The following ZDHHC14 variants were observed in gnomAD, a reference collection of about 807,000 sequenced individuals.
ZDHHC14 encodes zDHHC palmitoyltransferase 14, also known as palmitoyltransferase ZDHHC14.
Under a neutral mutation model 47.7 loss-of-function variants are expected in ZDHHC14, and 16 were observed. The ratio of observed to expected loss-of-function variants is 0.34; its 90% CI spans 0.23 to 0.51. The LOEUF (loss-of-function observed/expected upper bound fraction) is 0.51, where lower values mean the gene tolerates loss of function less well. Ranked by LOEUF, ZDHHC14 falls within the 20% of genes least tolerant of loss-of-function variation. ZDHHC14 has a pLI of 0.97. For synonymous variants in ZDHHC14, 293 were observed against 278.9 expected (o/e 1.05, Z -0.50); for missense variants, 515 against 662.5 (o/e 0.78, Z 2.44).
intron 1 of ZDHHC14, among the ~76,000 whole-genome samples, chr6:157,402,545 G>A (rs1777666359): frequency 5.9e-5 from 9 of 152,222 alleles, no homozygotes. Flanking sequence ...TCTTAATGGG[G>A]TGAAGATGAA....
At chr6:157,534,868 G>T (rs931339417) in intron 1 of ZDHHC14, among the ~76,000 whole-genome samples, 1 of 152,112 alleles carries the variant, frequency 6.6e-6, no homozygotes, top group Non-Finnish European at 1.5e-5. Flanking sequence ...TGGGATTATA[G>T]GCACTCCCGG....
chr6:157,589,755 G>T (rs1364051014), intron 2 of ZDHHC14, among the ~76,000 whole-genome samples: 2 of 152,096 alleles, frequency 1.3e-5, no homozygotes, highest in African/African-American at 4.8e-5. Flanking sequence ...ACAGTATATT[G>T]GTATTGGGTA....
intron 1 of ZDHHC14, among the ~76,000 whole-genome samples, chr6:157,408,485 G>T (rs1432151931): frequency 6.6e-6 from 1 of 152,110 alleles, no homozygotes; most frequent in East Asian, 1.9e-4. Flanking sequence ...AGTGTGTGTT[G>T]TTCCCCTCCC....
intron 2 of ZDHHC14, among the ~76,000 whole-genome samples, chr6:157,557,473 A>G (rs1452520342): frequency 6.6e-6 from 1 of 152,206 alleles, no homozygotes; most frequent in Admixed American, 6.5e-5. Context: ...TTTTATAGAC[A>G]TGGACAGAAA....
Position 157,612,048 on chromosome 6 carries a change from C to G in ZDHHC14, c.566-16301C>G, listed in dbSNP as rs570256010. Among the ~76,000 whole-genome samples, 5 of 151,856 alleles carry G rather than the reference C, an allele frequency of 3.3e-5. No homozygotes were observed. The South Asian group carries it at 1.0e-3, about 32-fold the overall frequency. On this transcript the variant is annotated intron_variant, in intron 3 of 8. Coordinates refer to ENST00000359775, the MANE Select transcript of ZDHHC14 (RefSeq NM_024630.3). ...TCATCTTTCCCCAGTGACCCCCCAC[C>G]TTGCTGAGGGCCAGCCCCATTCACA...
rs1554264587 is a variant in ZDHHC14, at chr6:157,540,910, G to GTATATATATATATATATATATA, written c.246-1672_246-1651dup. Among the ~76,000 whole-genome samples, 108 of 122,930 alleles carry GTATATATATATATATATATATA rather than the reference G, an allele frequency of 8.8e-4. 1 individual carries two copies. The highest frequency in any genetic ancestry group is 4.3e-3 in the African/African-American group (98 of 23,022). The allele number at this position is 122,930 out of a possible 152,430, so 80.6% of individuals were successfully genotyped here. On this transcript the variant is annotated intron_variant, in intron 1 of 8. Transcript: ENST00000359775. The stretch of plus-strand genomic sequence containing the variant: ...TGTATGTGTGTGTGTGTGTGTGTGT[G>GTATATATATATATATATATATA]TATATATATATATATATATATATAA...
At chr6:157,656,366 G>C (rs146957175) in intron 8 of ZDHHC14, among the ~76,000 whole-genome samples, 1 of 145,246 alleles carries the variant, frequency 6.9e-6, no homozygotes, top group Non-Finnish European at 1.5e-5. Flanking sequence ...ACAGTGTCTC[G>C]CTCTGCCACC....
intron 1 of ZDHHC14, among the ~76,000 whole-genome samples, chr6:157,450,757 G>T (rs565173215): frequency 1.2e-3 from 181 of 152,294 alleles, no homozygotes; most frequent in South Asian, 2.7e-3. Flanking sequence ...AATAGTCACT[G>T]GCTAAGGCAA....
Position 157,545,520 on chromosome 6 carries a change from C to CA in ZDHHC14, c.406+2783dup, listed in dbSNP as rs899869289. Among the ~76,000 whole-genome samples the CA allele has an allele frequency of 3.3e-5, 5 of 151,444 alleles. No individual in the cohort carries two copies. The East Asian group carries it at 7.8e-4, about 24-fold the overall frequency. ...TGAAACCCCGTCTCTACTAAAAATA[C>CA]AAAAAAAATTAGCCGGGTGTGGTGG... is the stretch of plus-strand genomic sequence containing the variant. On this transcript the variant is annotated intron_variant, in intron 2 of 8. Transcript: ENST00000359775.
intron 4 of ZDHHC14, chr6:157,632,540 G>A (rs1785791295): frequency 2.4e-6 from 1 of 419,976 alleles, no homozygotes; most frequent in African/African-American, 2.0e-5. Flanking sequence ...ATTAAAATGA[G>A]GAAAACAAAG....
chr6:157,655,810 A>G (rs1193677485), intron 8 of ZDHHC14, among the ~76,000 whole-genome samples: 2 of 152,318 alleles, frequency 1.3e-5, no homozygotes, highest in East Asian at 1.9e-4. Context: ...TGTCAAAACC[A>G]GTGGACTTAT....
At chr6:157,545,471 T>C (rs1313835651) in intron 2 of ZDHHC14, among the ~76,000 whole-genome samples, 2 of 151,234 alleles carry the variant, frequency 1.3e-5, no homozygotes, top group African/African-American at 4.9e-5. Context: ...GGTCAGGAGA[T>C]CGAGATCATC....
At chr6:157,653,701 G>A in intron 8 of ZDHHC14, 74 bp downstream of exon 8, 1 of 1,474,144 alleles carries the variant, frequency 6.8e-7, no homozygotes, top group Non-Finnish European at 9.3e-7. Context: ...CCACCAAGCA[G>A]CCTTCCTAGC....
intron 3 of ZDHHC14, among the ~76,000 whole-genome samples, chr6:157,626,592 A>G (rs1263680889): frequency 6.6e-6 from 1 of 152,024 alleles, no homozygotes; most frequent in Non-Finnish European, 1.5e-5. Flanking sequence ...TCCCCTCCAC[A>G]TGCACAGCCT....
chr6:157,397,314 G>A (rs1035267435), intron 1 of ZDHHC14, among the ~76,000 whole-genome samples: 1 of 152,212 alleles, frequency 6.6e-6, no homozygotes, highest in African/African-American at 2.4e-5. Context: ...AAACAACACA[G>A]ATTGATTATC....
intron 1 of ZDHHC14, among the ~76,000 whole-genome samples, chr6:157,467,515 T>TTTTA (rs139585882): frequency 0.11 from 14,867 of 136,180 alleles, 919 homozygotes; most frequent in Middle Eastern, 0.15. Context: ...TCATTCCTCA[T>TTTTA]TTTATTTATT....
At chr6:157,492,283 C>G (rs1242949822) in intron 1 of ZDHHC14, among the ~76,000 whole-genome samples, 5 of 151,884 alleles carry the variant, frequency 3.3e-5, no homozygotes, top group African/African-American at 9.7e-5. Context: ...TCCTCCCCAG[C>G]CTTGTCCTGC....
intron 2 of ZDHHC14, among the ~76,000 whole-genome samples, chr6:157,570,404 A>G (rs1377211740): frequency 6.6e-6 from 1 of 152,244 alleles, no homozygotes; most frequent in African/African-American, 2.4e-5. Flanking sequence ...GAAATTATGT[A>G]CCACAAAGTG....
chr6:157,521,722 C>A (rs971540708), intron 1 of ZDHHC14, among the ~76,000 whole-genome samples: 3 of 152,206 alleles, frequency 2.0e-5, no homozygotes, highest in African/African-American at 7.2e-5. Flanking sequence ...ACCATAGCAG[C>A]TTCTTTGGTG....
Sources: gnomAD v4.1 joint callset for allele counts (sites outside exome capture counted in the v4.1 genomes callset) on GRCh38, gnomAD v4.1.1 for gene constraint, MANE v1.5 for transcripts, NCBI Gene and HGNC (gene_info 2026-07-23, HGNC 2026-07-21) for gene names.